Variants in IL12RB2 observed in about 807,000 individuals in gnomAD.
IL12RB2 encodes the protein interleukin-12 receptor subunit beta-2.
In IL12RB2, 82 loss-of-function variants were observed where a neutral mutation model predicts 89.4. The observed-to-expected ratio is 0.92, with a 90% confidence interval of 0.77 to 1.10. The LOEUF (loss-of-function observed/expected upper bound fraction) is 1.10. IL12RB2 is among the 50% of genes least tolerant of loss of function. The pLI is 0.00. For synonymous variants in IL12RB2, 368 were observed against 370.1 expected (o/e 0.99, Z 0.07); for missense variants, 963 against 1,031.9 (o/e 0.93, Z 0.92).
chr1:67,328,153 G>A (rs758067065), intron 5 of IL12RB2, 47 bp from the exon 6 acceptor site: 5 of 1,239,330 alleles, frequency 4.0e-6, no homozygotes, highest in East Asian at 2.3e-5. Flanking sequence ...TAAGTAGAAA[G>A]TAGCACATAA....
intron 10 of IL12RB2, among the ~76,000 whole-genome samples, chr1:67,357,484 GT>G (rs1661531704): frequency 6.6e-6 from 1 of 152,202 alleles, no homozygotes; most frequent in Non-Finnish European, 1.5e-5. Context: ...GCTAGCAAAA[GT>G]GTTTTTTTTA....
rs183466124 is a variant in IL12RB2, at chr1:67,351,231, T to C, written c.1258+142T>C. 1,317 of 1,451,260 alleles carry C rather than the reference T, an allele frequency of 9.1e-4. 8 individuals are homozygous for C. In the African/African-American group the frequency reaches 0.014, roughly 15 times the overall value. 89.9% of individuals were successfully genotyped at this position (1,451,260 alleles called of 1,614,324 possible). Reference sequence around the variant, plus strand: ...GTCAACAGCTTTCAGAGGCTTTTTTTTTCTTTTCCAATCAGCCTATGAGTA... The same window carrying C: ...GTCAACAGCTTTCAGAGGCTTTTTTCTTCTTTTCCAATCAGCCTATGAGTA... On this transcript the variant is annotated intron_variant, in intron 10 of 16. Coordinates refer to ENST00000674203, the MANE Select transcript of IL12RB2 (RefSeq NM_001374259.2).
At chr1:67,344,157 T>A (rs1474462041) in intron 9 of IL12RB2, among the ~76,000 whole-genome samples, 2 of 152,232 alleles carry the variant, frequency 1.3e-5, no homozygotes, top group Non-Finnish European at 2.9e-5. Context: ...GGATTTGGCA[T>A]GGAAAGGATT....
chr1:67,342,445 G>T (rs554416012), intron 9 of IL12RB2, among the ~76,000 whole-genome samples: 1 of 152,102 alleles, frequency 6.6e-6, no homozygotes, highest in Non-Finnish European at 1.5e-5. Flanking sequence ...GAACAACTCC[G>T]TGCTGATTGG....
chr1:67,331,838 CATAAATAA>C (rs72150017), intron 8 of IL12RB2, among the ~76,000 whole-genome samples: 1 of 151,474 alleles, frequency 6.6e-6, no homozygotes, highest in Non-Finnish European at 1.5e-5. Context: ...GACTGCATCT[CATAAATAA>C]ATAAATAAAT....
intron 8 of IL12RB2, among the ~76,000 whole-genome samples, chr1:67,332,645 A>C (rs1048504439): frequency 2.0e-5 from 3 of 152,168 alleles, no homozygotes; most frequent in Admixed American, 6.5e-5. Context: ...TCGTTTTATT[A>C]TATATAGTCA....
At chr1:67,383,429 AT>A (rs1468196771) in intron 14 of IL12RB2, among the ~76,000 whole-genome samples, 7 of 152,132 alleles carry the variant, frequency 4.6e-5, no homozygotes, top group Non-Finnish European at 8.8e-5. Flanking sequence ...TCAAAACACA[AT>A]CATGCATTTT....
intron 16 of IL12RB2, among the ~76,000 whole-genome samples, chr1:67,390,455 C>CTTTTTTTT (rs67532605): frequency 1.9e-5 from 2 of 107,524 alleles, no homozygotes; most frequent in African/African-American, 3.5e-5. Context: ...GCAAACTTTC[C>CTTTTTTTT]TTTTTTTTTT....
chr1:67,342,494 A>T (rs541576963), intron 9 of IL12RB2, among the ~76,000 whole-genome samples: 3 of 151,768 alleles, frequency 2.0e-5, no homozygotes, highest in Admixed American at 1.3e-4. Flanking sequence ...TATGTGTGTG[A>T]GTGTGGGTGT....
chr1:67,333,385 T>G (rs942940837), intron 8 of IL12RB2, among the ~76,000 whole-genome samples: 2 of 150,036 alleles, frequency 1.3e-5, no homozygotes, highest in African/African-American at 5.0e-5. Context: ...AAATTAATAG[T>G]AAGCTTTTTT....
At chr1:67,383,219 C>T (rs12741424) in intron 14 of IL12RB2, among the ~76,000 whole-genome samples, 70,747 of 151,652 alleles carry the variant, frequency 0.47, 18,637 homozygotes, top group Non-Finnish European at 0.58. Context: ...AGAAAACCAT[C>T]AATTCTTGTG....
chr1:67,312,637 A>C (rs1655224641), intron 1 of IL12RB2, among the ~76,000 whole-genome samples: 1 of 151,798 alleles, frequency 6.6e-6, no homozygotes, highest in Non-Finnish European at 1.5e-5. Flanking sequence ...CAGAAAAAAT[A>C]GGAAAAGAAG....
chr1:67,396,997 G>A lies in IL12RB2; in HGVS notation c.*908G>A, dbSNP rs1666409718. ...AATATTTTTAAAAAAAATTAACTGG[G>A]CGTGATGGCGGGCGCCTGTAGTCCC... On this transcript the variant is annotated 3_prime_UTR_variant, in exon 17 of 17. Transcript: ENST00000674203. The A allele has an allele frequency of 6.6e-6, 1 of 152,162 alleles. No individual in the cohort carries two copies. Among genetic ancestry groups the A allele is most frequent in the South Asian group, 2.1e-4 (1 of 4,812 alleles). 9.4% of individuals were successfully genotyped at this position (152,162 alleles called of 1,614,324 possible).
chr1:67,311,092 C>G (rs1409491080), intron 1 of IL12RB2, among the ~76,000 whole-genome samples: 1 of 152,194 alleles, frequency 6.6e-6, no homozygotes, highest in Non-Finnish European at 1.5e-5. Flanking sequence ...TGATTTGTCA[C>G]AGGCCATATA....
At position 67,397,355 on chromosome 1, in the gene IL12RB2, T is replaced by G. The variant is rs1666430458; in HGVS notation, c.*1266T>G. Among the ~76,000 whole-genome samples, 1 of 152,036 alleles carries G rather than the reference T, an allele frequency of 6.6e-6. No individual in the cohort carries two copies. Among genetic ancestry groups the G allele is most frequent in the Non-Finnish European group, 1.5e-5 (1 of 68,012 alleles). The stretch of plus-strand genomic sequence containing the variant: ...AGGCTCCCTGACCCCTTGTTTCCTC[T>G]CCTTTTTGCTGCAGCAGGCCCTGCC... On this transcript the variant is annotated 3_prime_UTR_variant, in exon 17 of 17. Transcript: ENST00000674203.
intron 9 of IL12RB2, 72 bp downstream of exon 9, chr1:67,338,775 G>A (rs761757393): frequency 1.3e-6 from 1 of 794,344 alleles, no homozygotes; most frequent in Non-Finnish European, 2.3e-6. Context: ...TTTGCATAGT[G>A]GCTTTTATAT....
intron 15 of IL12RB2, among the ~76,000 whole-genome samples, chr1:67,388,762 A>G (rs1004823443): frequency 2.6e-5 from 4 of 152,242 alleles, no homozygotes; most frequent in African/African-American, 9.6e-5. Context: ...TTTCAAAGAA[A>G]AGATTTTTAA....
chr1:67,358,959 T>A (rs1322895100), intron 10 of IL12RB2, among the ~76,000 whole-genome samples: 1 of 152,020 alleles, frequency 6.6e-6, no homozygotes, highest in African/African-American at 2.4e-5. Context: ...CTGGCCAACA[T>A]TGTGAAACCC....
chr1:67,328,200 G>T lies in IL12RB2; in HGVS notation c.480G>T (p.Gln160His). The T allele has an allele frequency of 6.2e-7, 1 of 1,609,530 alleles. No homozygotes were observed. The highest frequency in any genetic ancestry group is 8.5e-7 in the Non-Finnish European group (1 of 1,175,806). The change falls in exon 6 of 17, where the codon CAG (glutamine) becomes CAT (histidine). Residue 160 changes from glutamine (Q) to histidine (H), a missense_variant and splice_region_variant. Physicochemically the swap from Gln to His is conservative, Grantham distance 24. Coordinates refer to ENST00000674203, the MANE Select transcript of IL12RB2 (RefSeq NM_001374259.2). ...ACACGTGGTTGTGTTTTGTTTACAG[G>T]CTAAGTGGACCAAAAAATTTAACCT... Reference protein sequence around the residue: ...DTHLYTEYTLQLSGPKNLTWQ... With the variant: ...DTHLYTEYTLHLSGPKNLTWQ...
Sources: allele counts gnomAD v4.1 joint callset (sites outside exome capture counted in the v4.1 genomes callset), GRCh38; gene constraint gnomAD v4.1.1; transcripts MANE v1.5; gene names NCBI Gene and HGNC (gene_info 2026-07-23, HGNC 2026-07-21).